Variants in MYH8 observed in about 807,000 individuals in gnomAD.
MYH8 encodes myosin-8.
Under a neutral mutation model 233.2 loss-of-function variants are expected in MYH8, and 168 were observed. That is an observed-to-expected ratio of 0.72 (90% CI 0.64 to 0.82). The LOEUF (loss-of-function observed/expected upper bound fraction) is 0.82, where lower values mean the gene tolerates loss of function less well. Ranked by LOEUF, MYH8 falls within the 40% of genes least tolerant of loss-of-function variation. MYH8 has a pLI of 0.00. For synonymous variants in MYH8, 785 were observed against 850.6 expected (o/e 0.92, Z 1.34); for missense variants, 1,995 against 2,327.8 (o/e 0.86, Z 2.94).
chr17:10,421,769 T>G (rs1345882862), intron 1 of MYH8, 63 bp from the exon 2 acceptor site: 1 of 152,196 alleles, frequency 6.6e-6, no homozygotes, highest in Non-Finnish European at 1.5e-5. Flanking sequence ...GTTACAGAAT[T>G]GTTATTATAG....
Position 10,399,622 on chromosome 17 carries a change from C to T in MYH8, c.3783G>A (p.Glu1261=). Residue 1261 remains glutamate (E), a synonymous_variant, in exon 28 of 40, where the codon GAG becomes GAA. Transcript: ENST00000403437. ...MCRSLEDQVS[E]LKTKEEEQQR... is the part of the protein sequence containing the mutation. Reference sequence around the variant, plus strand: ...GCTGCTCCTCTTCCTTGGTCTTAAGCTCACTCACTTGATCTTCTAGAGAGC... The same window carrying T: ...GCTGCTCCTCTTCCTTGGTCTTAAGTTCACTCACTTGATCTTCTAGAGAGC... 1.2e-6 allele frequency: 2 copies of T among 1,614,146 alleles called. No homozygotes were observed. Among genetic ancestry groups the T allele is most frequent in the African/African-American group, 2.7e-5 (2 of 75,044 alleles).
At position 10,393,566 on chromosome 17, in the gene MYH8, A is replaced by C. The variant is rs377330860; in HGVS notation, c.5167-356T>G. On this transcript the variant is annotated intron_variant, in intron 35 of 39. Coordinates refer to ENST00000403437, the MANE Select transcript of MYH8 (RefSeq NM_002472.3). ...TTCGTTTTGTGAGTGGCAGGCACTG[A>C]GAGTTTCTTGCTTTGAAAGAATCTA... Among the ~76,000 whole-genome samples, 91 of 152,332 alleles carry C rather than the reference A, an allele frequency of 6.0e-4. 1 individual carries two copies. The East Asian group carries it at 0.017, about 28-fold the overall frequency.
At position 10,398,998 on chromosome 17, in the gene MYH8, A is replaced by G. The variant is rs1015640744; in HGVS notation, c.3863-112T>C. ...TATATGTATATATGTGTGTGTGTAT[A>G]TATATATATATATATATATACAAGT... On this transcript the variant is annotated intron_variant, in intron 28 of 39. Transcript: ENST00000403437. The G allele has an allele frequency of 1.3e-3, 292 of 225,548 alleles. 6 individuals are homozygous for G. Among genetic ancestry groups the G allele is most frequent in the Middle Eastern group, 3.4e-3 (2 of 582 alleles). 14.0% of individuals were successfully genotyped at this position (225,548 alleles called of 1,614,324 possible). A position where few individuals can be genotyped will look rare whatever the true frequency, so the allele number is the denominator to read the frequency against.
chr17:10,417,888 G>GA lies in MYH8; in HGVS notation c.511+756dup, dbSNP rs1380057027. On this transcript the variant is annotated intron_variant, in intron 5 of 39. Coordinates refer to ENST00000403437, the MANE Select transcript of MYH8 (RefSeq NM_002472.3). The surrounding 1 kb of genome is among the most constrained non-coding windows in gnomAD (Gnocchi z 4.1). ...TGCAAAAAAACAAACCAAAAAGAAA[G>GA]AAAAAACACCTTAGTTTCCAAAATT... 2.6e-5 allele frequency among the ~76,000 whole-genome samples: 4 copies of GA among 151,982 alleles called. No homozygotes were observed. The highest frequency in any genetic ancestry group is 6.6e-5 in the Admixed American group (1 of 15,260).
At chr17:10,413,362 T>G (rs750201510) in intron 12 of MYH8, among the ~76,000 whole-genome samples, 18 of 152,346 alleles carry the variant, frequency 1.2e-4, no homozygotes, top group South Asian at 4.1e-4. Context: ...CTGGGGTAGA[T>G]CCTGTATATT....
chr17:10,392,802 C>T (rs748559622), intron 37 of MYH8, 29 bp downstream of exon 37: 2 of 1,613,954 alleles, frequency 1.2e-6, no homozygotes, highest in East Asian at 4.5e-5. Context: ...TTTTTCCCTT[C>T]CCAGATTTAG....
intron 22 of MYH8, 126 bp downstream of exon 22, chr17:10,404,203 TA>T: frequency 8.8e-7 from 1 of 1,140,058 alleles, no homozygotes; most frequent in Non-Finnish European, 1.3e-6. Flanking sequence ...TACTAAAAGA[TA>T]AATGAGGTAT....
At position 10,398,750 on chromosome 17, in the gene MYH8, A is replaced by C. The variant is rs769172473; in HGVS notation, c.3981+18T>G. Reference sequence around the variant, plus strand: ...GGTTTAGATTTGGTTAGTCAAAAAAATCCTTGGCAAAACTCACTTTAGTTT... The same window carrying C: ...GGTTTAGATTTGGTTAGTCAAAAAACTCCTTGGCAAAACTCACTTTAGTTT... On this transcript the variant is annotated intron_variant, in intron 29 of 39. Transcript: ENST00000403437. 2 of 1,613,992 alleles carry C rather than the reference A, an allele frequency of 1.2e-6. No homozygotes were observed. The highest frequency in any genetic ancestry group is 8.5e-7 in the Non-Finnish European group (1 of 1,179,920).
At chr17:10,420,296 C>T (rs1333494800) in intron 2 of MYH8, 39 bp from the exon 3 acceptor site, 2 of 1,538,492 alleles carry the variant, frequency 1.3e-6, no homozygotes, top group Admixed American at 3.5e-5. Flanking sequence ...ATATAAAAAG[C>T]AGAAGTCACA....
Position 10,401,369 on chromosome 17 carries a change from G to A in MYH8, c.3014C>T (p.Thr1005Ile). ...CAGGTCATCCAGGGTCTGCTGGTGGGTCTCTTGGAGAGCCTTCTTCTCCTT... is the reference window on the plus strand; with the variant it reads ...CAGGTCATCCAGGGTCTGCTGGTGGATCTCTTGGAGAGCCTTCTTCTCCTT... ...LSKEKKALQE[T>I]HQQTLDDLQA... Residue 1005 changes from threonine to isoleucine, a missense_variant, in exon 24 of 40, where the codon ACC becomes ATC. Thr to Ile is a moderately conservative substitution (Grantham distance 89). Coordinates refer to ENST00000403437, the MANE Select transcript of MYH8 (RefSeq NM_002472.3). 10 of 1,614,020 alleles carry A rather than the reference G, an allele frequency of 6.2e-6. No individual in the cohort carries two copies. Among genetic ancestry groups the A allele is most frequent in the Non-Finnish European group, 8.5e-6 (10 of 1,180,002 alleles).
At chr17:10,395,580 G>C (rs950736783) in intron 33 of MYH8, 139 bp from the exon 34 acceptor site, 1 of 855,074 alleles carries the variant, frequency 1.2e-6, no homozygotes, top group Admixed American at 2.4e-5. Context: ...AATCTTCTAG[G>C]TAAATCATTA....
rs767950332 is a variant in MYH8 at position 10,400,346 on chromosome 17, G to A, written c.3735+44C>T. 1.2e-6 allele frequency: 2 copies of A among 1,604,626 alleles called. No homozygotes were observed. Among genetic ancestry groups the A allele is most frequent in the South Asian group, 1.1e-5 (1 of 91,052 alleles). On this transcript the variant is annotated intron_variant, in intron 27 of 39. Transcript: ENST00000403437. The surrounding 1 kb of genome is among the most constrained non-coding windows in gnomAD (Gnocchi z 4.0). ...TGTTTAGTGATAGAGAATAATGGGT[G>A]TTCTTACAGATGATTACCTTCATTT...
Position 10,390,601 on chromosome 17 carries a change from C to T in MYH8, c.5667G>A (p.Glu1889=), listed in dbSNP as rs1229257770. The T allele has an allele frequency of 1.9e-6, 3 of 1,613,890 alleles. No individual in the cohort carries two copies. In the Admixed American group the frequency reaches 5.0e-5, roughly 27 times the overall value. ...TAGATAGATTAGCATTGGATTGTTC[C>T]TCCTAAGAATAGAGATAAAATTGTG... is the stretch of plus-strand genomic sequence containing the variant. The part of the protein sequence containing the change: ...KSYKRQAEEA[E]EQSNANLSKF... Residue 1889 remains glutamate, a splice_region_variant and synonymous_variant, in exon 40 of 40, where the codon GAG becomes GAA. Coordinates refer to ENST00000403437, the MANE Select transcript of MYH8 (RefSeq NM_002472.3).
Position 10,410,844 on chromosome 17 carries a change from T to C in MYH8, c.1520A>G (p.Glu507Gly), listed in dbSNP as rs746771415. 1.2e-6 allele frequency: 2 copies of C among 1,613,952 alleles called. No homozygotes were observed. The highest frequency in any genetic ancestry group is 1.7e-6 in the Non-Finnish European group (2 of 1,179,946). Residue 507 changes from glutamate to glycine, a missense_variant, in exon 15 of 40, where the codon GAA becomes GGA. Physicochemically the swap from Glu to Gly is moderately conservative, Grantham distance 98 (BLOSUM62 -2). Coordinates refer to ENST00000403437, the MANE Select transcript of MYH8 (RefSeq NM_002472.3). ...FVLEQEEYKK[E>G]GIEWTFIDFG... Reference sequence around the variant, plus strand: ...GTCAATGAACGTCCACTCGATGCCTTCCTTCTTGTACTCCTCCTGCTCTAG... The same window carrying C: ...GTCAATGAACGTCCACTCGATGCCTCCCTTCTTGTACTCCTCCTGCTCTAG...
chr17:10,407,948 T>TC, intron 17 of MYH8, among the ~76,000 whole-genome samples: 1 of 151,612 alleles, frequency 6.6e-6, no homozygotes, highest in East Asian at 1.9e-4. Context: ...GGCAGATTTT[T>TC]TTTTTTTTTT....
chr17:10,421,424 C>T (rs1282696077), intron 2 of MYH8, among the ~76,000 whole-genome samples: 1 of 152,180 alleles, frequency 6.6e-6, no homozygotes, highest in African/African-American at 2.4e-5. Context: ...TGAGAACTCA[C>T]TGTTGAAGCT....
At chr17:10,418,865 A>G in intron 4 of MYH8, 22 bp downstream of exon 4, 2 of 1,614,052 alleles carry the variant, frequency 1.2e-6, no homozygotes, top group Non-Finnish European at 1.7e-6. Flanking sequence ...CATGAAATAA[A>G]AAGGTGTTTA....
Position 10,400,916 on chromosome 17 carries a change from C to T in MYH8, c.3298G>A (p.Glu1100Lys), listed in dbSNP as rs771797841. Reference protein sequence around the residue: ...ISNLISKIEDEQAVEIQLQKK... With the variant: ...ISNLISKIEDKQAVEIQLQKK... ...TGTAGTTGAATTTCTACAGCTTGCT[C>T]ATCTTCAATTTTGCTTATCAAATTG... The change falls in exon 26 of 40, where the codon GAG becomes AAG. Residue 1100 changes from glutamate to lysine, a missense_variant. By Grantham distance (56) the Glu-to-Lys change is moderately conservative (BLOSUM62 1). Coordinates refer to ENST00000403437, the MANE Select transcript of MYH8 (RefSeq NM_002472.3). This position sits in a 1 kb window ranked among gnomAD's most constrained non-coding sequence, Gnocchi z 4.0. 5.0e-6 allele frequency: 8 copies of T among 1,613,662 alleles called. No homozygotes were observed. The East Asian group carries it at 6.7e-5, about 13-fold the overall frequency.
rs2072039284 is a variant in MYH8, at chr17:10,392,775, G to A, written c.5463+56C>T. The A allele has an allele frequency of 6.8e-6, 11 of 1,613,958 alleles. No individual in the cohort carries two copies. In the Admixed American group the frequency reaches 1.8e-4, roughly 27 times the overall value. ...GGGAGTCTTGTGTAGGAAGAGAGAAGGGTAGAGAGAGTGCCCTTTTTCCCT... is the reference window on the plus strand; with the variant it reads ...GGGAGTCTTGTGTAGGAAGAGAGAAAGGTAGAGAGAGTGCCCTTTTTCCCT... On this transcript the variant is annotated intron_variant, in intron 37 of 39. Coordinates refer to ENST00000403437, the MANE Select transcript of MYH8 (RefSeq NM_002472.3).
Sources: allele counts gnomAD v4.1 joint callset (sites outside exome capture counted in the v4.1 genomes callset), GRCh38; gene constraint gnomAD v4.1.1; non-coding constraint Gnocchi (gnomAD v3.1); transcripts MANE v1.5; gene names NCBI Gene and HGNC (gene_info 2026-07-23, HGNC 2026-07-21).